EYA3: variants seen among roughly 807,000 people sequenced by gnomAD.
EYA3 encodes EYA transcriptional coactivator and phosphatase 3.
EYA3 carries 39 observed loss-of-function variants against 80.0 expected under a neutral mutation model. The observed-to-expected ratio is 0.49, with a 90% CI of 0.38 to 0.64. The LOEUF is 0.64. Among genes scored for constraint, EYA3 ranks in the 30% least tolerant of loss-of-function variants. The pLI, the probability that EYA3 is intolerant of heterozygous loss-of-function variation, is 0.00. For missense variants in EYA3, 523 were observed against 676.1 expected, an observed-to-expected ratio of 0.77 and a Z score of 2.51; for synonymous variants, 206 against 232.8, an observed-to-expected ratio of 0.88 and a Z score of 1.05.
At chr1:28,018,327 G>A (rs965432596) in intron 7 of EYA3, among the ~76,000 whole-genome samples, 2 of 152,164 alleles carry the variant, frequency 1.3e-5, no homozygotes, top group Non-Finnish European at 2.9e-5. Context: ...ATTCTACTAG[G>A]GTTTTAATCA....
In EYA3 at chr1:27,976,890, A is replaced by G. The variant is rs746069447; in HGVS notation, c.1641+1484T>C. ...GCACCACCATGCCCGGCTAATTTTT[A>G]TATTTTTAGTAGAGACGGGATTTCA... is the stretch of plus-strand genomic sequence containing the variant. On this transcript the variant is annotated intron_variant, in intron 17 of 17. Transcript: ENST00000373871. The G allele has an allele frequency of 7.4e-5, 26 of 350,198 alleles. No homozygotes were observed. The South Asian group carries it at 1.2e-3, about 16-fold the overall frequency. The allele number at this position is 350,198 out of a possible 1,614,324, so 21.7% of individuals were successfully genotyped here.
chr1:27,992,579 G>C (rs1256090187), intron 14 of EYA3, among the ~76,000 whole-genome samples: 2 of 152,178 alleles, frequency 1.3e-5, no homozygotes, highest in Non-Finnish European at 2.9e-5. Context: ...TGTAATCCCT[G>C]AATCTTTGAG....
chr1:27,993,303 A>G lies in EYA3; in HGVS notation c.1303+97T>C, dbSNP rs539485806. 5.8e-5 allele frequency: 74 copies of G among 1,278,190 alleles called. No individual in the cohort carries two copies. In the Admixed American group the frequency reaches 6.3e-4, roughly 11 times the overall value. 79.2% of individuals were successfully genotyped at this position (1,278,190 alleles called of 1,614,324 possible). A position where few individuals can be genotyped will look rare whatever the true frequency, so the allele number is the denominator to read the frequency against. ...TTAACATATAACTGTGGCATAATTT[A>G]TAAGCAGTTGTCATGGGGAATCTAA... On this transcript the variant is annotated intron_variant, in intron 14 of 17. Coordinates refer to ENST00000373871, the MANE Select transcript of EYA3 (RefSeq NM_001990.4).
chr1:28,053,190 A>G (rs1439135022), intron 2 of EYA3, among the ~76,000 whole-genome samples: 1 of 151,528 alleles, frequency 6.6e-6, no homozygotes, highest in African/African-American at 2.4e-5. Flanking sequence ...AGAAAAAGAA[A>G]AAAGGAAGAT....
intron 4 of EYA3, 118 bp downstream of exon 4, chr1:28,042,453 G>C: frequency 3.8e-6 from 3 of 782,232 alleles, no homozygotes; most frequent in Non-Finnish European, 6.4e-6. Context: ...AACAAGGATG[G>C]GAGAGCCTTC....
intron 15 of EYA3, 37 bp downstream of exon 15, chr1:27,989,660 G>T: frequency 1.5e-6 from 2 of 1,344,350 alleles, no homozygotes; most frequent in Non-Finnish European, 2.1e-6. Context: ...AGAATATGTC[G>T]CTGAGAGGAT....
intron 1 of EYA3, among the ~76,000 whole-genome samples, chr1:28,059,648 A>C (rs551107184): frequency 6.6e-6 from 1 of 151,830 alleles, no homozygotes; most frequent in Non-Finnish European, 1.5e-5. Flanking sequence ...ATTTCATCCC[A>C]TTAGAAACAA....
intron 1 of EYA3, among the ~76,000 whole-genome samples, chr1:28,064,425 C>G (rs1364212771): frequency 7.4e-6 from 1 of 135,792 alleles, no homozygotes; most frequent in Admixed American, 7.4e-5. Context: ...CAGCGAGACT[C>G]TGCCTCAAAA....
chr1:28,084,009 G>A (rs990897720), intron 1 of EYA3, among the ~76,000 whole-genome samples: 23 of 152,250 alleles, frequency 1.5e-4, no homozygotes, highest in African/African-American at 5.5e-4. Context: ...ATTAACCACA[G>A]CTAATAAGTT....
At chr1:27,992,426 AG>A (rs776107223) in intron 14 of EYA3, among the ~76,000 whole-genome samples, 4 of 152,104 alleles carry the variant, frequency 2.6e-5, no homozygotes, top group Admixed American at 6.6e-5. Context: ...CTGATCTGAC[AG>A]GAAGTGGAGC....
At chr1:28,061,591 G>GTTT in intron 1 of EYA3, among the ~76,000 whole-genome samples, 1 of 144,906 alleles carries the variant, frequency 6.9e-6, no homozygotes. Flanking sequence ...AATTTAACGT[G>GTTT]TTTTTTTTTT....
intron 14 of EYA3, chr1:27,990,552 C>CTT (rs370894433): frequency 0.22 from 28,917 of 130,940 alleles, 3,609 homozygotes; most frequent in Non-Finnish European, 0.26. Context: ...ACCAGTTGTC[C>CTT]TTTTTTTTTT....
intron 1 of EYA3, among the ~76,000 whole-genome samples, chr1:28,084,694 C>T (rs1447665523): frequency 3.5e-5 from 5 of 144,010 alleles, no homozygotes; most frequent in African/African-American, 1.0e-4. Context: ...CTGCAACCTC[C>T]GCCTCCCTGG....
intron 16 of EYA3, among the ~76,000 whole-genome samples, chr1:27,979,713 CCTT>C (rs777574137): frequency 9.8e-5 from 15 of 152,292 alleles, no homozygotes; most frequent in South Asian, 6.2e-4. Flanking sequence ...GCTCTATTAA[CCTT>C]CTTGTTCTTT....
At position 27,971,727 on chromosome 1, in the gene EYA3, G is replaced by A. The variant is rs1039230168; in HGVS notation, c.*2739C>T. ...CTCCCCCTTGATGAATGGACCCACA[G>A]TGTCCTTTGGTCCTCAGCTTCTAAC... On this transcript the variant is annotated 3_prime_UTR_variant, in exon 18 of 18. Coordinates refer to ENST00000373871, the MANE Select transcript of EYA3 (RefSeq NM_001990.4). 7 of 151,838 alleles carry A rather than the reference G, an allele frequency of 4.6e-5. No individual in the cohort carries two copies. Among genetic ancestry groups the A allele is most frequent in the East Asian group, 1.9e-4 (1 of 5,172 alleles). 9.4% of individuals were successfully genotyped at this position (151,838 alleles called of 1,614,324 possible).
At chr1:27,990,729 T>C (rs1339521298) in intron 14 of EYA3, among the ~76,000 whole-genome samples, 3 of 151,922 alleles carry the variant, frequency 2.0e-5, no homozygotes, top group Non-Finnish European at 4.4e-5. Flanking sequence ...ATTTTTGTAT[T>C]TTTAGTAGAG....
intron 15 of EYA3, among the ~76,000 whole-genome samples, chr1:27,989,204 G>A (rs1639865020): frequency 6.6e-6 from 1 of 152,190 alleles, no homozygotes. Flanking sequence ...TGCTTTGCGG[G>A]AGGGAGTAAT....
chr1:28,080,049 A>G (rs113703559), intron 1 of EYA3, among the ~76,000 whole-genome samples: 279 of 152,338 alleles, frequency 1.8e-3, no homozygotes, highest in African/African-American at 4.2e-3. Flanking sequence ...AAAAAATTCA[A>G]TTTCACCTAA....
chr1:28,073,127 A>ATATATATATATTTTT lies in EYA3; in HGVS notation c.-68-15034_-68-15033insAAAAATATATATATA, dbSNP rs1553157671. The stretch of plus-strand genomic sequence containing the variant: ...ATTATATATATATATATATATATAT[A>ATATATATATATTTTT]TTTTTTTTTTTTTTTTTTTTTTTTA... On this transcript the variant is annotated intron_variant, in intron 1 of 17. Transcript: ENST00000373871. Among the ~76,000 whole-genome samples the ATATATATATATTTTT allele has an allele frequency of 2.9e-3, 43 of 14,992 alleles. 1 individual carries two copies. The highest frequency in any genetic ancestry group is 4.3e-3 in the Non-Finnish European group (38 of 8,908). The allele number at this position is 14,992 out of a possible 152,430, so 9.8% of individuals were successfully genotyped here.
Sources: gnomAD v4.1 joint callset for allele counts (sites outside exome capture counted in the v4.1 genomes callset) on GRCh38, gnomAD v4.1.1 for gene constraint, MANE v1.5 for transcripts, NCBI Gene and HGNC (gene_info 2026-07-23, HGNC 2026-07-21) for gene names.